Variants in LARP1B observed in about 807,000 individuals in gnomAD.
LARP1B encodes la-related protein 1B.
In LARP1B, 76 loss-of-function variants were observed where a neutral mutation model predicts 114.2. The ratio of observed to expected loss-of-function variants is 0.67; its 90% CI spans 0.55 to 0.81. The LOEUF (loss-of-function observed/expected upper bound fraction) is 0.81, where lower values mean the gene tolerates loss of function less well. Among genes scored for constraint, LARP1B ranks in the 30% least tolerant of loss-of-function variants. The pLI is 0.00. For missense variants in LARP1B, 1,014 were observed against 1,075.8 expected, an observed-to-expected ratio of 0.94 and a Z score of 0.80; for synonymous variants, 345 against 348.0, an observed-to-expected ratio of 0.99 and a Z score of 0.10.
chr4:128,222,739 T>C (rs932982648), downstream of LARP1B: 6 of 165,614 alleles, frequency 3.6e-5, no homozygotes, highest in Non-Finnish European at 6.5e-5. Flanking sequence ...GACATTCCAA[T>C]TGAGGATTGT....
chr4:128,099,812 G>A (rs1188468593), intron 8 of LARP1B, among the ~76,000 whole-genome samples: 1 of 151,980 alleles, frequency 6.6e-6, no homozygotes, highest in Non-Finnish European at 1.5e-5. Context: ...ATCTTTATAA[G>A]AAAATGCCAA....
At chr4:128,112,466 ATTTTTTTTTTTTTT>A (rs1174266918) in intron 9 of LARP1B, among the ~76,000 whole-genome samples, 6 of 69,322 alleles carry the variant, frequency 8.7e-5, no homozygotes, top group East Asian at 5.0e-4. Context: ...TGCTTACTCT[ATTTTTTTTTTTTTT>A]TTTTTTTTTT....
chr4:128,082,537 A>G (rs1770903809), intron 5 of LARP1B, among the ~76,000 whole-genome samples: 4 of 152,196 alleles, frequency 2.6e-5, no homozygotes, highest in African/African-American at 9.7e-5. Context: ...ATTTTTCTCA[A>G]TAAAGTCCTT....
intron 10 of LARP1B, among the ~76,000 whole-genome samples, chr4:128,115,084 C>G (rs959778234): frequency 2.0e-5 from 3 of 151,916 alleles, no homozygotes; most frequent in African/African-American, 4.8e-5. Context: ...ATTATAGGCG[C>G]GAGCCACCAT....
chr4:128,105,943 T>C (rs1336895796), intron 8 of LARP1B, among the ~76,000 whole-genome samples: 1 of 151,776 alleles, frequency 6.6e-6, no homozygotes, highest in African/African-American at 2.4e-5. Context: ...ATGGAAAATA[T>C]AACTTGAGAG....
chr4:128,103,003 T>G (rs1231224715), intron 8 of LARP1B, among the ~76,000 whole-genome samples: 1 of 152,180 alleles, frequency 6.6e-6, no homozygotes, highest in African/African-American at 2.4e-5. Context: ...GCAGTAAGAA[T>G]GCAACATCTA....
chr4:128,179,697 G>A (rs532266959), intron 15 of LARP1B, among the ~76,000 whole-genome samples, 185 bp downstream of exon 15: 2 of 152,134 alleles, frequency 1.3e-5, no homozygotes, highest in East Asian at 3.9e-4. Context: ...TAATCCAGTT[G>A]GACAGTTTTT....
chr4:128,156,668 C>G (rs1419149601), intron 11 of LARP1B, among the ~76,000 whole-genome samples: 5 of 152,026 alleles, frequency 3.3e-5, no homozygotes, highest in Non-Finnish European at 7.4e-5. Flanking sequence ...CCAGGCCATT[C>G]TGCCGCCCCC....
intron 5 of LARP1B, among the ~76,000 whole-genome samples, chr4:128,087,749 C>G (rs1047312736): frequency 6.6e-6 from 1 of 152,048 alleles, no homozygotes; most frequent in South Asian, 2.1e-4. Flanking sequence ...TGCAGTGGTG[C>G]AAGCCTGTAG....
chr4:128,122,292 T>C, intron 11 of LARP1B, 104 bp downstream of exon 11: 1 of 1,520,170 alleles, frequency 6.6e-7, no homozygotes, highest in Non-Finnish European at 8.8e-7. Context: ...AAATGTTGAA[T>C]ATAAATACAT....
At chr4:128,094,404 T>TC (rs1204399445) in intron 7 of LARP1B, among the ~76,000 whole-genome samples, 27 of 148,312 alleles carry the variant, frequency 1.8e-4, no homozygotes, top group African/African-American at 6.4e-4. Flanking sequence ...CTTTTTCTTT[T>TC]TTTTTTTTTT....
At chr4:128,122,903 TG>T in intron 11 of LARP1B, 1 of 992,882 alleles carries the variant, frequency 1.0e-6, no homozygotes, top group Non-Finnish European at 1.2e-6. Flanking sequence ...GGTACAGATA[TG>T]GGGATAAAAG....
intron 12 of LARP1B, among the ~76,000 whole-genome samples, chr4:128,176,576 G>C (rs1336233413): frequency 6.6e-6 from 1 of 152,092 alleles, no homozygotes; most frequent in African/African-American, 2.4e-5. Flanking sequence ...TTACAGGCGT[G>C]AGCCACTGCA....
intron 1 of LARP1B, chr4:128,069,075 C>G: frequency 9.7e-7 from 1 of 1,033,076 alleles, no homozygotes; most frequent in South Asian, 1.3e-5. Context: ...GTGAGAACCA[C>G]CAATAGTGTG....
intron 1 of LARP1B, among the ~76,000 whole-genome samples, chr4:128,062,805 C>T (rs919187817): frequency 2.0e-5 from 3 of 150,936 alleles, no homozygotes; most frequent in Non-Finnish European, 2.9e-5. Flanking sequence ...AGGAGATATA[C>T]CTAATGTTAA....
At chr4:128,084,517 C>G (rs527743581) in intron 5 of LARP1B, among the ~76,000 whole-genome samples, 1 of 151,984 alleles carries the variant, frequency 6.6e-6, no homozygotes, top group African/African-American at 2.4e-5. Flanking sequence ...CGCAGGCACT[C>G]GGCAGGCTGA....
intron 12 of LARP1B, among the ~76,000 whole-genome samples, chr4:128,173,531 A>T (rs1290559623): frequency 6.6e-6 from 1 of 152,214 alleles, no homozygotes; most frequent in Non-Finnish European, 1.5e-5. Flanking sequence ...CATATGGTTC[A>T]GGTATGAAGC....
At chr4:128,100,964 C>T (rs1561212784) in intron 8 of LARP1B, among the ~76,000 whole-genome samples, 1 of 150,648 alleles carries the variant, frequency 6.6e-6, no homozygotes, top group Non-Finnish European at 1.5e-5. Context: ...ATTACAGGCG[C>T]CTGCCACCAT....
Position 128,206,471 on chromosome 4 carries a change from G to GA in LARP1B, c.2361dup (p.Phe788IlefsTer38). 1.2e-6 allele frequency: 2 copies of GA among 1,612,016 alleles called. No individual in the cohort carries two copies. The highest frequency in any genetic ancestry group is 8.5e-7 in the Non-Finnish European group (1 of 1,179,168). On this transcript the variant is annotated frameshift_variant, in exon 18 of 20. Coordinates refer to ENST00000326639, the MANE Select transcript of LARP1B (RefSeq NM_018078.4). LOFTEE classifies it high-confidence loss of function. ...GTTCAGGTTTTATAGTTATGGACTG[G>GA]AAAAAAAATTCAGGCGAGAAATTTT...
Sources: allele counts gnomAD v4.1 joint callset (sites outside exome capture counted in the v4.1 genomes callset), GRCh38; gene constraint gnomAD v4.1.1; transcripts MANE v1.5; gene names NCBI Gene and HGNC (gene_info 2026-07-23, HGNC 2026-07-21).